The following AARS1 variants were observed in gnomAD, a reference collection of about 807,000 sequenced individuals.
The protein encoded by AARS1 is alanine--tRNA ligase, cytoplasmic.
Under a neutral mutation model 108.9 loss-of-function variants are expected in AARS1, and 72 were observed. That is an observed-to-expected ratio of 0.66 (90% CI 0.55 to 0.80). The LOEUF (loss-of-function observed/expected upper bound fraction) is 0.80, where lower values mean the gene tolerates loss of function less well. Ranked by LOEUF, AARS1 falls within the 30% of genes least tolerant of loss-of-function variation. The probability of loss-of-function intolerance (pLI) is 0.00; values close to 1 mark genes in which losing one functional copy is unlikely to be tolerated. For missense variants in AARS1, 1,193 were observed against 1,233.2 expected (o/e 0.97, Z 0.49); for synonymous variants, 489 against 465.7 (o/e 1.05, Z -0.64).
At chr16:70,284,029 T>C (rs1013211251) in intron 1 of AARS1, among the ~76,000 whole-genome samples, 23 of 151,454 alleles carry the variant, frequency 1.5e-4, no homozygotes, top group Admixed American at 1.3e-3. Flanking sequence ...CTGGGCAACA[T>C]AGCAAGATCT....
chr16:70,253,841 C>T, intron 18 of AARS1, 41 bp from the exon 19 acceptor site: 3 of 1,614,228 alleles, frequency 1.9e-6, no homozygotes, highest in Non-Finnish European at 2.5e-6. Flanking sequence ...AGACCAAAAG[C>T]CCAGGCCCCG....
At position 70,260,962 on chromosome 16, in the gene AARS1, C is replaced by G. The variant is rs143915952; in HGVS notation, c.1785+82G>C. 1,795 of 1,163,322 alleles carry G rather than the reference C, an allele frequency of 1.5e-3. 27 individuals carry two copies. The Admixed American group carries it at 0.031, about 20-fold the overall frequency. 72.1% of individuals were successfully genotyped at this position (1,163,322 alleles called of 1,614,324 possible). ...CAAGTGTGAGCCACCACACCCGGCC[C>G]AACAGTGACAGGACAATTTAAAGCC... On this transcript the variant is annotated intron_variant, in intron 13 of 20. Transcript: ENST00000261772.
At position 70,265,658 on chromosome 16, in the gene AARS1, G is replaced by A. The variant is rs1424350148; in HGVS notation, c.1227C>T (p.Asp409=). ...SLGDSKTIPG[D]TAWLLYDTYG... is the part of the protein sequence containing the mutation. ...AGGTGTCATAGAGGAGCCAAGCAGT[G>A]TCTCCTACACAGCACAAAGGAGGTG... The change falls in exon 10 of 21, where the codon GAC becomes GAT. Residue 409 remains aspartate, a synonymous_variant. Transcript: ENST00000261772. 1 of 1,613,566 alleles carries A rather than the reference G, an allele frequency of 6.2e-7. No homozygotes were observed. The highest frequency in any genetic ancestry group is 8.5e-7 in the Non-Finnish European group (1 of 1,179,774).
chr16:70,286,018 C>G (rs1453733203), intron 1 of AARS1, among the ~76,000 whole-genome samples: 5 of 152,160 alleles, frequency 3.3e-5, no homozygotes, highest in Admixed American at 1.3e-4. Flanking sequence ...AAATGAATGA[C>G]AGCCTATGTC....
Position 70,258,007 on chromosome 16 carries a change from C to G in AARS1, c.2177+26G>C, listed in dbSNP as rs182660362. ...CAGAGGATGAAGGTAGATGACCTGT[C>G]TACTCTGCCCCTCTGCAGTACTCAC... On this transcript the variant is annotated intron_variant, in intron 15 of 20. Transcript: ENST00000261772. 1.6e-4 allele frequency: 257 copies of G among 1,613,694 alleles called. 2 individuals are homozygous for G. The highest frequency in any genetic ancestry group is 1.6e-3 in the South Asian group (142 of 91,022).
chr16:70,270,276 G>T lies in AARS1; in HGVS notation c.736C>A (p.Arg246=), dbSNP rs756337758. The T allele has an allele frequency of 6.2e-7, 1 of 1,614,128 alleles. No individual in the cohort carries two copies. Among genetic ancestry groups the T allele is most frequent in the Non-Finnish European group, 8.5e-7 (1 of 1,179,984 alleles). ...TTATTCTGCAGCACAGATACCAGTC[G>T]TTCCAGGCCCATCCCTGTGTCAATG... ...KSIDTGMGLE[R]LVSVLQNKMS... is the part of the protein sequence containing the mutation. The change falls in exon 6 of 21, where the codon CGA becomes AGA. Residue 246 remains arginine (R), a synonymous_variant. Coordinates refer to ENST00000261772, the MANE Select transcript of AARS1 (RefSeq NM_001605.3).
chr16:70,261,142 C>G lies in AARS1; in HGVS notation c.1687G>C (p.Val563Leu). 1 of 1,613,266 alleles carries G rather than the reference C, an allele frequency of 6.2e-7. No individual in the cohort carries two copies. ...DSSEDKTEFT[V>L]KNAQVRGGYV... The stretch of plus-strand genomic sequence containing the variant: ...CCTCCTCGGACCTGAGCATTCTTCA[C>G]TGTAAACTCTGTTTTCTAAGAGGGG... Residue 563 changes from valine (V) to leucine (L), a missense_variant, in exon 13 of 21, where the codon GTG becomes CTG. By Grantham distance (32) the Val-to-Leu change is conservative. Transcript: ENST00000261772.
chr16:70,277,798 G>C (rs1032541664), intron 2 of AARS1, among the ~76,000 whole-genome samples: 3 of 150,450 alleles, frequency 2.0e-5, no homozygotes, highest in Non-Finnish European at 3.0e-5. Flanking sequence ...TGTCGCCCAG[G>C]CTGGAGTACA....
At chr16:70,256,510 G>A (rs1959995551) in intron 15 of AARS1, among the ~76,000 whole-genome samples, 1 of 152,144 alleles carries the variant, frequency 6.6e-6, no homozygotes, top group Non-Finnish European at 1.5e-5. Flanking sequence ...ATGTTGCACA[G>A]GCTGGTCTTG....
intron 11 of AARS1, among the ~76,000 whole-genome samples, chr16:70,263,566 A>C (rs181528792): frequency 6.6e-6 from 1 of 151,252 alleles, no homozygotes; most frequent in African/African-American, 2.4e-5. Context: ...GCGAAACTCC[A>C]TCTCAAAAAA....
In AARS1 at chr16:70,254,666, A is replaced by T; in HGVS notation, c.2355T>A (p.Thr785=). 6.2e-7 allele frequency: 1 copy of T among 1,614,140 alleles called. No individual in the cohort carries two copies. The highest frequency in any genetic ancestry group is 8.5e-7 in the Non-Finnish European group (1 of 1,179,992). ...SVMEAKVKAQ[T]APNKDVQREI... is the part of the protein sequence containing the mutation. The stretch of plus-strand genomic sequence containing the variant: ...CCCTCTGCACATCCTTGTTTGGAGC[A>T]GTCTGAGCCTTCACTTTGGCTTCCA... Residue 785 remains threonine, a synonymous_variant, in exon 17 of 21, where the codon ACT becomes ACA. Coordinates refer to ENST00000261772, the MANE Select transcript of AARS1 (RefSeq NM_001605.3).
At chr16:70,267,472 C>T (rs544370194) in intron 9 of AARS1, among the ~76,000 whole-genome samples, 187 bp downstream of exon 9, 1 of 152,268 alleles carries the variant, frequency 6.6e-6, no homozygotes, top group East Asian at 1.9e-4. Context: ...TGTTTGAATA[C>T]TTTGGCCACA....
intron 1 of AARS1, among the ~76,000 whole-genome samples, chr16:70,284,402 A>ACTAT (rs1280909033): frequency 6.6e-6 from 1 of 151,418 alleles, no homozygotes; most frequent in East Asian, 1.9e-4. Flanking sequence ...GGAGATCAAG[A>ACTAT]CTATCTTGGC....
At chr16:70,257,181 G>T (rs1960011876) in intron 15 of AARS1, among the ~76,000 whole-genome samples, 1 of 152,040 alleles carries the variant, frequency 6.6e-6, no homozygotes, top group Non-Finnish European at 1.5e-5. Context: ...CCCTGGAGGT[G>T]GAGGTTGCAG....
At chr16:70,286,317 C>G (rs921021500) in intron 1 of AARS1, among the ~76,000 whole-genome samples, 10 of 150,198 alleles carry the variant, frequency 6.7e-5, no homozygotes, top group Non-Finnish European at 1.2e-4. Flanking sequence ...CTGTAAAGGT[C>G]TTGGGTGCCT....
chr16:70,289,388 C>T, intron 1 of AARS1, 33 bp downstream of exon 1: 1 of 369,076 alleles, frequency 2.7e-6, no homozygotes, highest in South Asian at 2.0e-5. Context: ...AGCCGCTCTC[C>T]TAGCACCGCA....
chr16:70,269,752 G>C lies in AARS1; in HGVS notation c.828C>G (p.Ala276=), dbSNP rs914414911. 2.5e-6 allele frequency: 4 copies of C among 1,614,090 alleles called. No homozygotes were observed. The highest frequency in any genetic ancestry group is 3.3e-5 in the Admixed American group (2 of 59,994). ...YFEAIQKGTG[A]RPYTGKVGAE... ...CACCAACTTTCCCAGTGTATGGTCG[G>C]GCACCTGTGCCCTATAGATAAGAAT... The change falls in exon 7 of 21, where the codon GCC becomes GCG. Residue 276 remains alanine, a synonymous_variant. Coordinates refer to ENST00000261772, the MANE Select transcript of AARS1 (RefSeq NM_001605.3).
chr16:70,275,680 G>T (rs568215637), intron 4 of AARS1, among the ~76,000 whole-genome samples: 2 of 150,800 alleles, frequency 1.3e-5, no homozygotes, highest in East Asian at 2.0e-4. Flanking sequence ...GGAGAATGGC[G>T]TGAACCTGGG....
At position 70,259,068 on chromosome 16, in the gene AARS1, C is replaced by G; in HGVS notation, c.1904G>C (p.Arg635Thr). 1 of 1,614,166 alleles carries G rather than the reference C, an allele frequency of 6.2e-7. No homozygotes were observed. The part of the protein sequence containing the change: ...KGSLVAPDRL[R>T]FDFTAKGAMS... ...GGCTCCCTTGGCAGTAAAGTCAAAT[C>G]TGAGGCGGTCAGGAGCAACCAATGA... Residue 635 changes from arginine (R) to threonine (T), a missense_variant, in exon 14 of 21, where the codon AGA becomes ACA. Transcript: ENST00000261772.
Sources: allele counts gnomAD v4.1 joint callset (sites outside exome capture counted in the v4.1 genomes callset), GRCh38; gene constraint gnomAD v4.1.1; transcripts MANE v1.5; gene names NCBI Gene and HGNC (gene_info 2026-07-23, HGNC 2026-07-21).